PTK7: variants seen among roughly 807,000 people sequenced by gnomAD.
The protein encoded by PTK7 is protein tyrosine kinase 7 (inactive), also known as inactive tyrosine-protein kinase 7.
A neutral mutation model predicts 116.6 loss-of-function variants in PTK7; 39 were observed. The ratio of observed to expected loss-of-function variants is 0.33; its 90% CI spans 0.26 to 0.44. The LOEUF (loss-of-function observed/expected upper bound fraction) is 0.44. PTK7 is among the 20% of genes least tolerant of loss of function. The pLI is 1.00. For synonymous variants in PTK7, 546 were observed against 563.6 expected, an observed-to-expected ratio of 0.97 and a Z score of 0.44; for missense variants, 1,169 against 1,425.6, an observed-to-expected ratio of 0.82 and a Z score of 2.90.
At chr6:43,117,297 A>C (rs1458448368) in intron 1 of PTK7, among the ~76,000 whole-genome samples, 2 of 152,240 alleles carry the variant, frequency 1.3e-5, no homozygotes, top group Non-Finnish European at 2.9e-5. Context: ...AACAACGAGT[A>C]GGAAGCAGGT....
In PTK7 at chr6:43,132,203, C is replaced by A. The variant is rs754997085; in HGVS notation, c.961+39C>A. 4 of 1,561,894 alleles carry A rather than the reference C, an allele frequency of 2.6e-6. No individual in the cohort carries two copies. In the African/African-American group the frequency reaches 5.5e-5, roughly 21 times the overall value. ...TCTGGGGTGCTGATGTGGGAGGCTG[C>A]CTTTAACATTTTTGGCACATAGAGA... On this transcript the variant is annotated intron_variant, in intron 6 of 19. Transcript: ENST00000230419.
chr6:43,148,749 T>A (rs1455242014), intron 17 of PTK7, among the ~76,000 whole-genome samples: 1 of 136,406 alleles, frequency 7.3e-6, no homozygotes, highest in Non-Finnish European at 1.5e-5. Flanking sequence ...TACTCTGCGT[T>A]ACATAGAGAG....
chr6:43,160,804 C>T lies in PTK7; in HGVS notation c.3136C>T (p.Leu1046Phe). The T allele has an allele frequency of 6.2e-7, 1 of 1,614,218 alleles. No homozygotes were observed. Among genetic ancestry groups the T allele is most frequent in the Non-Finnish European group, 8.5e-7 (1 of 1,180,036 alleles). ...TCGGCTGATGCAGCGCTGCTGGGCC[C>T]TCAGCCCCAAGGACCGGCCCTCCTT... The part of the protein sequence containing the change: ...LYRLMQRCWA[L>F]SPKDRPSFSE... The change falls in exon 20 of 20, where the codon CTC (leucine) becomes TTC (phenylalanine). Residue 1046 changes from leucine (L) to phenylalanine (F), a missense_variant. Around this residue, in one of 3 missense-constraint regions of PTK7, gnomAD observed 678 missense variants for 853.8 expected, o/e 0.79. Transcript: ENST00000230419.
Position 43,160,582 on chromosome 6 carries a change from C to A in PTK7, c.3053-139C>A. 2.8e-6 allele frequency: 3 copies of A among 1,071,136 alleles called. No individual in the cohort carries two copies. The Admixed American group carries it at 6.7e-5, about 24-fold the overall frequency. 66.4% of individuals were successfully genotyped at this position (1,071,136 alleles called of 1,614,324 possible). A position where few individuals can be genotyped will look rare whatever the true frequency, so the allele number is the denominator to read the frequency against. On this transcript the variant is annotated intron_variant, in intron 19 of 19. Coordinates refer to ENST00000230419, the MANE Select transcript of PTK7 (RefSeq NM_002821.5). ...CCAGGGGAGTCATCTTTTTCCGTTGCGGGTACCCACCTGCCGCTGGCCAGC... is the reference window on the plus strand; with the variant it reads ...CCAGGGGAGTCATCTTTTTCCGTTGAGGGTACCCACCTGCCGCTGGCCAGC...
intron 17 of PTK7, among the ~76,000 whole-genome samples, chr6:43,148,695 TG>T (rs1318095140): frequency 6.6e-6 from 1 of 151,976 alleles, no homozygotes; most frequent in African/African-American, 2.4e-5. Context: ...TTAAATATGA[TG>T]GGGGAACTTT....
chr6:43,106,011 A>G (rs754809771), intron 1 of PTK7, among the ~76,000 whole-genome samples: 2 of 152,150 alleles, frequency 1.3e-5, no homozygotes, highest in Non-Finnish European at 2.9e-5. Context: ...CATTCTCTCC[A>G]TGACAAAGAG....
In PTK7 at chr6:43,142,024, C is replaced by A. The variant is rs1363356585; in HGVS notation, c.1862C>A (p.Pro621Gln). The A allele has an allele frequency of 6.2e-7, 1 of 1,613,948 alleles. No individual in the cohort carries two copies. Among genetic ancestry groups the A allele is most frequent in the Non-Finnish European group, 8.5e-7 (1 of 1,179,984 alleles). ...LQCEAQGDPKPLIQWKGKDRI... is the reference protein window; with the variant it reads ...LQCEAQGDPKQLIQWKGKDRI... ...TGCGAGGCCCAGGGGGACCCCAAGC[C>A]GCTGATTCAGTGGAAAGGCAAGGAC... The change falls in exon 12 of 20, where the codon CCG becomes CAG. Residue 621 changes from proline (P) to glutamine (Q), a missense_variant. Around this residue, in one of 3 missense-constraint regions of PTK7, gnomAD observed 678 missense variants for 853.8 expected, o/e 0.79. Coordinates refer to ENST00000230419, the MANE Select transcript of PTK7 (RefSeq NM_002821.5).
intron 17 of PTK7, among the ~76,000 whole-genome samples, chr6:43,151,249 C>T (rs1771060198): frequency 6.7e-6 from 1 of 148,810 alleles, no homozygotes; most frequent in African/African-American, 2.5e-5. Context: ...CTCGCTCTGT[C>T]GCCCAAGCTG....
At position 43,100,326 on chromosome 6, in the gene PTK7, T is replaced by C. The variant is rs1056691077; in HGVS notation, c.79+23759T>C. ...TGAACCCAGGAGGCGGAGCCTGCAGTGAGCTGAGATCACACCACTGCACTC... is the reference window on the plus strand; with the variant it reads ...TGAACCCAGGAGGCGGAGCCTGCAGCGAGCTGAGATCACACCACTGCACTC... On this transcript the variant is annotated intron_variant, in intron 1 of 19. Transcript: ENST00000230419. 4.7e-5 allele frequency among the ~76,000 whole-genome samples: 7 copies of C among 149,546 alleles called. No homozygotes were observed. In the East Asian group the frequency reaches 7.8e-4, roughly 17 times the overall value.
Position 43,129,067 on chromosome 6 carries a change from C to T in PTK7, c.170C>T (p.Ala57Val). The T allele has an allele frequency of 1.2e-6, 2 of 1,614,208 alleles. No homozygotes were observed. Among genetic ancestry groups the T allele is most frequent in the Non-Finnish European group, 1.7e-6 (2 of 1,180,040 alleles). ...GCGCTGCTTCGCTGTGAGGTTGAGG[C>T]TCCGGGCCCGGTACATGTGTACTGG... ...RRALLRCEVE[A>V]PGPVHVYWLL... The change falls in exon 2 of 20, where the codon GCT (alanine) becomes GTT (valine). Residue 57 changes from alanine (A) to valine (V), a missense_variant. Ala to Val is a moderately conservative substitution (Grantham distance 64). Around this residue, in one of 3 missense-constraint regions of PTK7, gnomAD observed 487 missense variants for 549.8 expected, o/e 0.89. Coordinates refer to ENST00000230419, the MANE Select transcript of PTK7 (RefSeq NM_002821.5). The surrounding 1 kb of genome is among the most constrained non-coding windows in gnomAD (Gnocchi z 4.5).
chr6:43,144,653 C>T lies in PTK7; in HGVS notation c.2407+47C>T, dbSNP rs750905699. 8 of 1,566,206 alleles carry T rather than the reference C, an allele frequency of 5.1e-6. No homozygotes were observed. The South Asian group carries it at 7.2e-5, about 14-fold the overall frequency. Reference sequence around the variant, plus strand: ...TGCCCCTGCCTAACTACAAGTCACCCGCTGTGTCTTGAGGCTGGGTACGGG... The same window carrying T: ...TGCCCCTGCCTAACTACAAGTCACCTGCTGTGTCTTGAGGCTGGGTACGGG... On this transcript the variant is annotated intron_variant, in intron 15 of 19. Coordinates refer to ENST00000230419, the MANE Select transcript of PTK7 (RefSeq NM_002821.5).
Position 43,139,293 on chromosome 6 carries a change from G to A in PTK7, c.1498+22G>A. ...CTGGGTGAGCCAGCATGTCTTGGGG[G>A]AGCACCCTTCCTGGCTAGGCAGGAG... On this transcript the variant is annotated intron_variant, in intron 9 of 19. Coordinates refer to ENST00000230419, the MANE Select transcript of PTK7 (RefSeq NM_002821.5). This position sits in a 1 kb window ranked among gnomAD's most constrained non-coding sequence, Gnocchi z 4.6. 6.2e-7 allele frequency: 1 copy of A among 1,614,228 alleles called. No individual in the cohort carries two copies. Among genetic ancestry groups the A allele is most frequent in the African/African-American group, 1.3e-5 (1 of 75,070 alleles).
intron 17 of PTK7, among the ~76,000 whole-genome samples, chr6:43,157,347 TATATATA>T (rs1771515843): frequency 1.4e-4 from 2 of 14,536 alleles, no homozygotes; most frequent in African/African-American, 2.8e-4. Flanking sequence ...TATATATATA[TATATATA>T]TATATATATA....
intron 7 of PTK7, among the ~76,000 whole-genome samples, chr6:43,135,453 A>G (rs1018952161): frequency 1.3e-5 from 2 of 152,228 alleles, no homozygotes; most frequent in Non-Finnish European, 2.9e-5. Context: ...ATGAACAAAT[A>G]TAATTTTAGG....
intron 17 of PTK7, among the ~76,000 whole-genome samples, chr6:43,153,676 G>T (rs1033889816): frequency 6.6e-6 from 1 of 151,832 alleles, no homozygotes; most frequent in Non-Finnish European, 1.5e-5. Flanking sequence ...TTCTTAAACC[G>T]CTGGAATTAC....
chr6:43,110,170 G>A (rs1768116109), intron 1 of PTK7, among the ~76,000 whole-genome samples: 1 of 150,656 alleles, frequency 6.6e-6, no homozygotes, highest in Non-Finnish European at 1.5e-5. Context: ...CTAATTTTTT[G>A]TATGTTTAGA....
At chr6:43,142,442 T>G (rs1458511718) in intron 13 of PTK7, 143 bp downstream of exon 13, 1 of 1,275,004 alleles carries the variant, frequency 7.8e-7, no homozygotes, top group Admixed American at 2.0e-5. Flanking sequence ...ACCATGCTGC[T>G]GCACAGTCTT....
intron 1 of PTK7, among the ~76,000 whole-genome samples, chr6:43,117,899 G>T (rs1353682394): frequency 6.6e-6 from 1 of 150,984 alleles, no homozygotes; most frequent in Non-Finnish European, 1.5e-5. Flanking sequence ...TCATGCCATT[G>T]CACTCCAGCC....
intron 1 of PTK7, among the ~76,000 whole-genome samples, chr6:43,096,709 G>T (rs1004812312): frequency 6.6e-6 from 1 of 152,196 alleles, no homozygotes; most frequent in African/African-American, 2.4e-5. Flanking sequence ...GCCTGGGCTA[G>T]CCTGGGCACC....
Sources: gnomAD v4.1 joint callset for allele counts (sites outside exome capture counted in the v4.1 genomes callset) on GRCh38, gnomAD v4.1.1 for gene constraint, gnomAD v4.1.1 regional missense constraint, Gnocchi (gnomAD v3.1) non-coding constraint, MANE v1.5 for transcripts, NCBI Gene and HGNC (gene_info 2026-07-23, HGNC 2026-07-21) for gene names.